Variants in SLC20A2 observed in about 807,000 individuals in gnomAD.
The protein encoded by SLC20A2 is sodium-dependent phosphate transporter 2.
A neutral mutation model predicts 61.0 loss-of-function variants in SLC20A2; 30 were observed. That is an observed-to-expected ratio of 0.49 (90% CI 0.37 to 0.67). The LOEUF (loss-of-function observed/expected upper bound fraction) is 0.67. Ranked by LOEUF, SLC20A2 falls within the 30% of genes least tolerant of loss-of-function variation. The probability of loss-of-function intolerance (pLI) is 0.00; values close to 1 mark genes in which losing one functional copy is unlikely to be tolerated. For missense variants in SLC20A2, 626 were observed against 866.4 expected (o/e 0.72, Z 3.48); for synonymous variants, 351 against 353.3 (o/e 0.99, Z 0.07).
Position 42,439,521 on chromosome 8 carries a change from G to A in SLC20A2, c.863C>T (p.Thr288Met), listed in dbSNP as rs1484532440. Residue 288 changes from threonine to methionine, a missense_variant, in exon 7 of 11, where the codon ACG (threonine) becomes ATG (methionine). Around this residue, in one of 3 missense-constraint regions of SLC20A2, gnomAD observed 361 missense variants for 422.3 expected, o/e 0.85. Coordinates refer to ENST00000520262, the MANE Select transcript of SLC20A2 (RefSeq NM_001257180.2). ...CCCCAGTGTCTCCCCTGCTGCTCCCGTGAGCGGGATGGTGCTGTCATCATT... is the reference window on the plus strand; with the variant it reads ...CCCCAGTGTCTCCCCTGCTGCTCCCATGAGCGGGATGGTGCTGTCATCATT... ...KANDDSTIPL[T>M]GAAGETLGTS... The A allele has an allele frequency of 4.3e-6, 7 of 1,614,092 alleles. No homozygotes were observed. Among genetic ancestry groups the A allele is most frequent in the African/African-American group, 1.3e-5 (1 of 74,934 alleles).
At chr8:42,443,440 C>CT (rs2131046414) in intron 6 of SLC20A2, among the ~76,000 whole-genome samples, 1 of 151,200 alleles carries the variant, frequency 6.6e-6, no homozygotes, top group African/African-American at 2.4e-5. Flanking sequence ...CTCAGCCTCC[C>CT]GAGTAGCTGG....
At position 42,465,214 on chromosome 8, in the gene SLC20A2, T is replaced by C. The variant is rs956259187; in HGVS notation, c.430+563A>G. ...CTGGGATTACAGGTACCTGCCATCATGCCCAGTTAATTTTTGTATTTTTGT... is the reference window on the plus strand; with the variant it reads ...CTGGGATTACAGGTACCTGCCATCACGCCCAGTTAATTTTTGTATTTTTGT... On this transcript the variant is annotated intron_variant, in intron 3 of 10. Transcript: ENST00000520262. Among the ~76,000 whole-genome samples the C allele has an allele frequency of 4.0e-5, 6 of 151,330 alleles. 1 individual carries two copies. The highest frequency in any genetic ancestry group is 4.2e-4 in the South Asian group (2 of 4,774).
At chr8:42,463,573 G>A (rs1321988051) in intron 3 of SLC20A2, among the ~76,000 whole-genome samples, 1 of 152,134 alleles carries the variant, frequency 6.6e-6, no homozygotes, top group East Asian at 1.9e-4. Context: ...TAGCCAAGTA[G>A]TTCCCGCCTC....
intron 1 of SLC20A2, among the ~76,000 whole-genome samples, chr8:42,522,649 C>A (rs1397511350): frequency 8.5e-6 from 1 of 118,154 alleles, no homozygotes; most frequent in African/African-American, 2.6e-5. Flanking sequence ...CCACTGCACT[C>A]CAGCCTGGGC....
intron 1 of SLC20A2, among the ~76,000 whole-genome samples, chr8:42,490,382 G>A (rs921611417): frequency 1.3e-5 from 2 of 152,152 alleles, no homozygotes; most frequent in Non-Finnish European, 2.9e-5. Flanking sequence ...TGGATCACTT[G>A]AGGCCAGGAG....
intron 8 of SLC20A2, among the ~76,000 whole-genome samples, chr8:42,435,493 C>T (rs928819787): frequency 3.3e-4 from 51 of 152,246 alleles, no homozygotes; most frequent in African/African-American, 1.2e-3. Context: ...GATTGGGAAA[C>T]GGAGACTTCG....
intron 1 of SLC20A2, among the ~76,000 whole-genome samples, chr8:42,510,610 T>C (rs1397712644): frequency 6.6e-6 from 1 of 152,222 alleles, no homozygotes; most frequent in Non-Finnish European, 1.5e-5. Context: ...AGGATTACCC[T>C]ACTTTTAACT....
chr8:42,499,951 T>G (rs1810213236), intron 1 of SLC20A2, among the ~76,000 whole-genome samples: 1 of 152,238 alleles, frequency 6.6e-6, no homozygotes, highest in African/African-American at 2.4e-5. Context: ...AACACTGAAG[T>G]ATTTCCTTTC....
chr8:42,461,453 T>TC (rs1806693498), intron 4 of SLC20A2, among the ~76,000 whole-genome samples: 1 of 148,800 alleles, frequency 6.7e-6, no homozygotes, highest in Admixed American at 6.6e-5. Flanking sequence ...TTTTCAAATA[T>TC]CTTTTTTTTT....
At chr8:42,460,958 T>C (rs1205535549) in intron 4 of SLC20A2, among the ~76,000 whole-genome samples, 1 of 152,168 alleles carries the variant, frequency 6.6e-6, no homozygotes, top group East Asian at 1.9e-4. Context: ...AGCAGAAGTA[T>C]GGATAAGCAT....
chr8:42,455,434 G>A (rs1806122960), intron 5 of SLC20A2, among the ~76,000 whole-genome samples: 1 of 151,754 alleles, frequency 6.6e-6, no homozygotes, highest in Non-Finnish European at 1.5e-5. Context: ...GCTGAGGCGG[G>A]CAGATCATGA....
At position 42,521,341 on chromosome 8, in the gene SLC20A2, G is replaced by A. The variant is rs1424219757; in HGVS notation, c.-265+20480C>T. ...ATGGATCTCAAGGGCATTATGCTGAGTGAAAAAAGCCAATCTCAAAAGGTT... is the reference window on the plus strand; with the variant it reads ...ATGGATCTCAAGGGCATTATGCTGAATGAAAAAAGCCAATCTCAAAAGGTT... On this transcript the variant is annotated intron_variant, in intron 1 of 10. Coordinates refer to the SLC20A2 transcript ENST00000342228. Among the ~76,000 whole-genome samples, 3 of 121,182 alleles carry A rather than the reference G, an allele frequency of 2.5e-5. 1 individual carries two copies. The highest frequency in any genetic ancestry group is 1.7e-4 in the Admixed American group (2 of 12,050). 79.5% of individuals were successfully genotyped at this position (121,182 alleles called of 152,430 possible). A position where few individuals can be genotyped will look rare whatever the true frequency, so the allele number is the denominator to read the frequency against.
intron 3 of SLC20A2, among the ~76,000 whole-genome samples, chr8:42,465,526 T>C (rs1389612539): frequency 6.6e-6 from 1 of 151,770 alleles, no homozygotes; most frequent in Non-Finnish European, 1.5e-5. Context: ...ACCTCATCTC[T>C]ACTAAAAATA....
intron 8 of SLC20A2, among the ~76,000 whole-genome samples, chr8:42,434,479 G>A (rs943677753): frequency 1.3e-5 from 2 of 152,066 alleles, no homozygotes; most frequent in African/African-American, 2.4e-5. Context: ...GCAAGCTCTT[G>A]TCTCCTCCCC....
intron 6 of SLC20A2, among the ~76,000 whole-genome samples, chr8:42,442,587 C>T (rs1804867722): frequency 6.6e-6 from 1 of 152,184 alleles, no homozygotes; most frequent in Non-Finnish European, 1.5e-5. Context: ...TTCCACACTG[C>T]CTTGTGGCTT....
At chr8:42,438,247 T>C (rs764439157) in intron 7 of SLC20A2, among the ~76,000 whole-genome samples, 5 of 152,146 alleles carry the variant, frequency 3.3e-5, no homozygotes, top group Non-Finnish European at 5.9e-5. Context: ...AAGAAACTCA[T>C]CTTAGAGAAA....
At chr8:42,529,848 G>A (rs1021195378) in intron 1 of SLC20A2, among the ~76,000 whole-genome samples, 1 of 152,074 alleles carries the variant, frequency 6.6e-6, no homozygotes, top group African/African-American at 2.4e-5. Flanking sequence ...TCTCTGAATC[G>A]ATACAAAATA....
intron 5 of SLC20A2, among the ~76,000 whole-genome samples, chr8:42,459,328 T>C (rs1043202972): frequency 6.6e-6 from 1 of 151,014 alleles, no homozygotes; most frequent in Non-Finnish European, 1.5e-5. Context: ...AAAATCATCA[T>C]TGGCTTCGGT....
intron 1 of SLC20A2, among the ~76,000 whole-genome samples, chr8:42,498,022 C>A (rs1810056903): frequency 6.6e-6 from 1 of 152,100 alleles, no homozygotes; most frequent in Non-Finnish European, 1.5e-5. Context: ...GACTCAATAT[C>A]CTAAACCAGT....
Sources: gnomAD v4.1 joint callset for allele counts (sites outside exome capture counted in the v4.1 genomes callset) on GRCh38, gnomAD v4.1.1 for gene constraint, gnomAD v4.1.1 regional missense constraint, MANE v1.5 for transcripts, NCBI Gene and HGNC (gene_info 2026-07-23, HGNC 2026-07-21) for gene names.